The following LY96 variants were observed in gnomAD, a reference collection of about 807,000 sequenced individuals.
LY96 encodes lymphocyte antigen 96.
A neutral mutation model predicts 18.9 loss-of-function variants in LY96; 18 were observed. The ratio of observed to expected loss-of-function variants is 0.95; its 90% CI spans 0.66 to 1.41. The LOEUF (loss-of-function observed/expected upper bound fraction) is 1.41. LY96 is among the 40% of genes most tolerant of loss of function. The pLI, the probability that LY96 is intolerant of heterozygous loss-of-function variation, is 0.00. For missense variants in LY96, 175 were observed against 182.4 expected, an observed-to-expected ratio of 0.96 and a Z score of 0.23; for synonymous variants, 66 against 62.6, an observed-to-expected ratio of 1.06 and a Z score of -0.26.
At chr8:74,033,916 A>T (rs998368175), downstream of LY96, among the ~76,000 whole-genome samples, 2 of 151,458 alleles carry the variant, frequency 1.3e-5, no homozygotes, top group Admixed American at 1.3e-4. Flanking sequence ...TTTTTTTTAA[A>T]CCAGGGCTTT....
the LY96 span, among the ~76,000 whole-genome samples, chr8:74,076,183 C>A: frequency 2.0e-5 from 3 of 151,880 alleles, no homozygotes; most frequent in Non-Finnish European, 4.4e-5. Context: ...CCCCACATCT[C>A]GCAGTTGGGA....
At chr8:74,017,194 A>G (rs1330825655) in intron 3 of LY96, among the ~76,000 whole-genome samples, 1 of 152,234 alleles carries the variant, frequency 6.6e-6, no homozygotes, top group Non-Finnish European at 1.5e-5. Context: ...TAAACAGTGT[A>G]GAGAAGACCT....
chr8:74,055,385 G>A, the LY96 span, among the ~76,000 whole-genome samples: 1 of 152,100 alleles, frequency 6.6e-6, no homozygotes, highest in Non-Finnish European at 1.5e-5. Context: ...AAAATTTCAT[G>A]ACCTTGGGCA....
chr8:74,036,216 A>G, the LY96 span, among the ~76,000 whole-genome samples: 2 of 152,234 alleles, frequency 1.3e-5, no homozygotes, highest in Non-Finnish European at 2.9e-5. Flanking sequence ...TCCCTGGTTC[A>G]GGGGCTGAAG....
the LY96 span, among the ~76,000 whole-genome samples, chr8:74,074,113 T>C: frequency 1.3e-5 from 2 of 152,210 alleles, no homozygotes; most frequent in African/African-American, 4.8e-5. Context: ...TTCTCCTGCC[T>C]CAGCCTCCTG....
At chr8:74,026,511 A>G (rs1430548521) in intron 3 of LY96, among the ~76,000 whole-genome samples, 1 of 152,224 alleles carries the variant, frequency 6.6e-6, no homozygotes, top group Non-Finnish European at 1.5e-5. Flanking sequence ...GCATATTAGC[A>G]CTAGCTTGTT....
At chr8:74,025,872 G>A (rs1179027491) in intron 3 of LY96, among the ~76,000 whole-genome samples, 6 of 152,028 alleles carry the variant, frequency 3.9e-5, no homozygotes, top group Non-Finnish European at 7.4e-5. Context: ...ATCGGGTGTG[G>A]TGGCAGGCGC....
At chr8:74,073,215 T>C in the LY96 span, among the ~76,000 whole-genome samples, 1 of 152,122 alleles carries the variant, frequency 6.6e-6, no homozygotes, top group Non-Finnish European at 1.5e-5. Flanking sequence ...CCTAATCCCA[T>C]ACACCTGGCT....
intron 3 of LY96, among the ~76,000 whole-genome samples, chr8:74,014,356 G>A (rs1245421558): frequency 6.9e-6 from 1 of 144,060 alleles, no homozygotes; most frequent in African/African-American, 2.6e-5. Flanking sequence ...GGCTAGCTGT[G>A]ATCCACCGCT....
At chr8:74,071,605 C>T in the LY96 span, among the ~76,000 whole-genome samples, 1 of 152,324 alleles carries the variant, frequency 6.6e-6, no homozygotes, top group African/African-American at 2.4e-5. Flanking sequence ...AATTTTCTAT[C>T]TACCAGTGTA....
intron 1 of LY96, among the ~76,000 whole-genome samples, chr8:73,998,534 T>A (rs1586646529): frequency 6.6e-6 from 1 of 151,592 alleles, no homozygotes; most frequent in African/African-American, 2.4e-5. Context: ...GAAAAAAAAA[T>A]TCACTGGGTG....
intron 3 of LY96, among the ~76,000 whole-genome samples, chr8:74,017,329 G>T (rs1816665285): frequency 6.6e-6 from 1 of 152,180 alleles, no homozygotes; most frequent in Admixed American, 6.6e-5. Context: ...TTAGTGAAAT[G>T]AAGCAAGAAG....
the LY96 span, among the ~76,000 whole-genome samples, chr8:74,039,138 C>G: frequency 1.3e-5 from 2 of 152,002 alleles, no homozygotes; most frequent in Non-Finnish European, 2.9e-5. Context: ...AAGTTGAACA[C>G]CTTTTCATAT....
At chr8:74,024,806 T>C (rs189581323) in intron 3 of LY96, among the ~76,000 whole-genome samples, 1 of 152,258 alleles carries the variant, frequency 6.6e-6, no homozygotes, top group East Asian at 1.9e-4. Flanking sequence ...TTTTTTGGTT[T>C]TTAAAAATTT....
At chr8:73,993,405 A>C (rs1436370380) in intron 1 of LY96, among the ~76,000 whole-genome samples, 2 of 152,004 alleles carry the variant, frequency 1.3e-5, no homozygotes, top group African/African-American at 4.8e-5. Flanking sequence ...CCTTCCAAGT[A>C]GCTGGGACTA....
chr8:74,048,780 T>A, the LY96 span: 2 of 139,676 alleles, frequency 1.4e-5, no homozygotes, highest in Admixed American at 7.7e-5. Flanking sequence ...GTGGTCCATA[T>A]GAAGGAAGGA....
chr8:74,019,266 C>A (rs1325325379), intron 3 of LY96, among the ~76,000 whole-genome samples: 3 of 152,160 alleles, frequency 2.0e-5, no homozygotes, highest in Non-Finnish European at 4.4e-5. Flanking sequence ...GAAATACAAA[C>A]TACTATCAGA....
chr8:74,088,540 C>T, the LY96 span, among the ~76,000 whole-genome samples: 1 of 152,166 alleles, frequency 6.6e-6, no homozygotes, highest in African/African-American at 2.4e-5. Flanking sequence ...AACCTCTAAG[C>T]TAAAACCGCA....
At chr8:74,073,243 G>A in the LY96 span, among the ~76,000 whole-genome samples, 1 of 152,310 alleles carries the variant, frequency 6.6e-6, no homozygotes, top group African/African-American at 2.4e-5. Context: ...AGAAGCTGAA[G>A]GAGGGAAGGG....
Sources: gnomAD v4.1 joint callset for allele counts (sites outside exome capture counted in the v4.1 genomes callset) on GRCh38, gnomAD v4.1.1 for gene constraint, MANE v1.5 for transcripts, NCBI Gene and HGNC (gene_info 2026-07-23, HGNC 2026-07-21) for gene names.